Variants in TMEM132D observed in about 807,000 individuals in gnomAD.
The protein encoded by TMEM132D is mature OL transmembrane protein.
Under a neutral mutation model 62.3 loss-of-function variants are expected in TMEM132D, and 21 were observed. That is an observed-to-expected ratio of 0.34 (90% CI 0.24 to 0.49). The LOEUF (loss-of-function observed/expected upper bound fraction) is 0.49. TMEM132D is among the 20% of genes least tolerant of loss of function. The pLI is 0.99. For synonymous variants in TMEM132D, 621 were observed against 575.6 expected, an observed-to-expected ratio of 1.08 and a Z score of -1.13; for missense variants, 1,346 against 1,402.8, an observed-to-expected ratio of 0.96 and a Z score of 0.65.
intron 5 of TMEM132D, among the ~76,000 whole-genome samples, chr12:129,089,402 CTGACCGGGATGTCCTCCA>C (rs1565960436): frequency 7.3e-5 from 4 of 54,816 alleles, no homozygotes; most frequent in Admixed American, 2.0e-4. Context: ...GGTGTCCTCC[CTGACCGGGATGTCCTCCA>C]TGACCGGGGT....
intron 1 of TMEM132D, among the ~76,000 whole-genome samples, chr12:129,753,323 G>A (rs1870060610): frequency 1.3e-5 from 2 of 152,158 alleles, no homozygotes; most frequent in Admixed American, 6.5e-5. Context: ...ATTCACAAAT[G>A]CAATGCAATG....
intron 5 of TMEM132D, among the ~76,000 whole-genome samples, chr12:129,160,583 T>C (rs1228192078): frequency 6.6e-6 from 1 of 152,180 alleles, no homozygotes; most frequent in Non-Finnish European, 1.5e-5. Context: ...TTCCTGATAG[T>C]AGTGTTTGAA....
chr12:129,618,874 C>T (rs1460873165), intron 2 of TMEM132D, among the ~76,000 whole-genome samples: 3 of 152,174 alleles, frequency 2.0e-5, no homozygotes, highest in Admixed American at 1.3e-4. Flanking sequence ...TCAATCTCTA[C>T]ATGTAAGATT....
At chr12:129,641,451 C>A (rs1879637911) in intron 2 of TMEM132D, among the ~76,000 whole-genome samples, 1 of 152,180 alleles carries the variant, frequency 6.6e-6, no homozygotes, top group African/African-American at 2.4e-5. Context: ...CGTTGGTGAG[C>A]AAATCCTGAA....
At chr12:129,742,681 A>G (rs930798365) in intron 1 of TMEM132D, among the ~76,000 whole-genome samples, 1 of 152,224 alleles carries the variant, frequency 6.6e-6, no homozygotes, top group Non-Finnish European at 1.5e-5. Flanking sequence ...AACACTGTGT[A>G]CCATGAGTCT....
intron 1 of TMEM132D, among the ~76,000 whole-genome samples, chr12:129,811,969 A>G (rs1188574749): frequency 1.3e-5 from 2 of 151,668 alleles, no homozygotes; most frequent in East Asian, 3.9e-4. Context: ...ATATATTTCA[A>G]CCTCGTGAGA....
At chr12:129,807,184 C>T (rs1241452998) in intron 1 of TMEM132D, among the ~76,000 whole-genome samples, 2 of 152,218 alleles carry the variant, frequency 1.3e-5, no homozygotes, top group East Asian at 1.9e-4. Flanking sequence ...CATTCAGTCA[C>T]GACCGTAATT....
intron 2 of TMEM132D, among the ~76,000 whole-genome samples, chr12:129,634,323 A>C (rs1879423152): frequency 6.6e-6 from 1 of 151,738 alleles, no homozygotes; most frequent in Admixed American, 6.6e-5. Flanking sequence ...AAAAAAAAAA[A>C]ATTAGCGGGG....
chr12:129,624,406 CAA>C (rs1171407262), intron 2 of TMEM132D, among the ~76,000 whole-genome samples: 2 of 152,208 alleles, frequency 1.3e-5, no homozygotes, highest in Admixed American at 1.3e-4. Context: ...AGAGCCAATT[CAA>C]AGACATGTGA....
intron 2 of TMEM132D, among the ~76,000 whole-genome samples, chr12:129,689,362 G>C (rs1292866081): frequency 1.3e-5 from 2 of 152,132 alleles, no homozygotes; most frequent in Non-Finnish European, 2.9e-5. Context: ...CAAAAATCTA[G>C]ACATGGTTTA....
intron 2 of TMEM132D, among the ~76,000 whole-genome samples, chr12:129,655,609 G>A (rs753458961): frequency 1.3e-4 from 20 of 151,666 alleles, no homozygotes; most frequent in Non-Finnish European, 2.4e-4. Flanking sequence ...GGGACTCTGG[G>A]ATTTCACACT....
At chr12:129,211,543 C>CTATTTTCA (rs1565998987) in intron 4 of TMEM132D, among the ~76,000 whole-genome samples, 1 of 152,116 alleles carries the variant, frequency 6.6e-6, no homozygotes, top group Non-Finnish European at 1.5e-5. Flanking sequence ...AATTACATAA[C>CTATTTTCA]TATTTTCATT....
chr12:129,539,392 T>C (rs2137096390), intron 2 of TMEM132D, among the ~76,000 whole-genome samples: 1 of 146,280 alleles, frequency 6.8e-6, no homozygotes, highest in South Asian at 2.2e-4. Flanking sequence ...CCACCACATT[T>C]GGCTAATTTT....
chr12:129,598,231 C>A (rs1282318907), intron 2 of TMEM132D, among the ~76,000 whole-genome samples: 1 of 152,126 alleles, frequency 6.6e-6, no homozygotes, highest in Non-Finnish European at 1.5e-5. Context: ...ATAAAATGCT[C>A]CTTATTTTTT....
At chr12:129,159,224 T>C (rs990710671) in intron 5 of TMEM132D, among the ~76,000 whole-genome samples, 4 of 152,134 alleles carry the variant, frequency 2.6e-5, no homozygotes, top group Middle Eastern at 3.2e-3. Context: ...TTTAATTCAG[T>C]GATAAATAGA....
intron 3 of TMEM132D, among the ~76,000 whole-genome samples, chr12:129,436,501 C>T (rs1872791342): frequency 6.6e-6 from 1 of 152,136 alleles, no homozygotes; most frequent in African/African-American, 2.4e-5. Flanking sequence ...AGGATGAGCA[C>T]TGATATGCAA....
rs139900803 is a variant in TMEM132D at position 129,306,765 on chromosome 12, T to G, written c.1299+30869A>C. On this transcript the variant is annotated intron_variant, in intron 4 of 8. Transcript: ENST00000422113. The stretch of plus-strand genomic sequence containing the variant: ...TCAATAATATTCAAAGCACCAGTGT[T>G]CTATGTCTCATCCATTTAGGAAATG... Among the ~76,000 whole-genome samples, 768 of 152,326 alleles carry G rather than the reference T, an allele frequency of 5.0e-3. 4 individuals are homozygous for G. Among genetic ancestry groups the G allele is most frequent in the Middle Eastern group, 0.024 (7 of 294 alleles).
intron 3 of TMEM132D, among the ~76,000 whole-genome samples, chr12:129,365,063 G>T (rs1471709508): frequency 6.6e-6 from 1 of 152,160 alleles, no homozygotes; most frequent in Non-Finnish European, 1.5e-5. Flanking sequence ...CATGGCTAAA[G>T]AAAAATCACC....
At chr12:129,422,415 G>T (rs994755981) in intron 3 of TMEM132D, among the ~76,000 whole-genome samples, 1 of 152,186 alleles carries the variant, frequency 6.6e-6, no homozygotes, top group Non-Finnish European at 1.5e-5. Context: ...AGTCACAGAG[G>T]AGGAGTTGCT....
Sources: allele counts gnomAD v4.1 joint callset (sites outside exome capture counted in the v4.1 genomes callset), GRCh38; gene constraint gnomAD v4.1.1; transcripts MANE v1.5; gene names NCBI Gene and HGNC (gene_info 2026-07-23, HGNC 2026-07-21).